OPRM1: variants seen among roughly 807,000 people sequenced by gnomAD.
The protein encoded by OPRM1 is mu-type opioid receptor.
A neutral mutation model predicts 31.8 loss-of-function variants in OPRM1; 27 were observed. The ratio of observed to expected loss-of-function variants is 0.85; its 90% CI spans 0.63 to 1.17. The LOEUF (loss-of-function observed/expected upper bound fraction) is 1.17, where lower values mean the gene tolerates loss of function less well. OPRM1 is among the 50% of genes most tolerant of loss of function. The pLI is 0.00. For missense variants in OPRM1, 536 were observed against 511.1 expected, an observed-to-expected ratio of 1.05 and a Z score of -0.47; for synonymous variants, 196 against 189.9, an observed-to-expected ratio of 1.03 and a Z score of -0.26.
chr6:154,152,360 G>GAAAGAA (rs1798551959), intron 3 of OPRM1, among the ~76,000 whole-genome samples: 1 of 145,632 alleles, frequency 6.9e-6, no homozygotes, highest in East Asian at 2.0e-4. Context: ...AAGAAAGAAA[G>GAAAGAA]AAAGAAAGAA....
At chr6:154,089,658 T>C in intron 1 of OPRM1, 168 bp from the exon 2 acceptor site, 1 of 592,714 alleles carries the variant, frequency 1.7e-6, no homozygotes, top group Non-Finnish European at 3.0e-6. Context: ...AGCCAATAGG[T>C]ACATCATTGA....
intron 1 of OPRM1, among the ~76,000 whole-genome samples, chr6:154,071,275 C>G (rs1786656495): frequency 6.6e-6 from 1 of 152,140 alleles, no homozygotes; most frequent in Non-Finnish European, 1.5e-5. Flanking sequence ...CTTTCATACC[C>G]CCAGGTCTGC....
intron 1 of OPRM1, among the ~76,000 whole-genome samples, chr6:154,073,195 T>C (rs1424852522): frequency 6.6e-6 from 1 of 152,148 alleles, no homozygotes; most frequent in Non-Finnish European, 1.5e-5. Flanking sequence ...CAATATAAGC[T>C]GCAGGTAGTG....
At chr6:154,146,558 ATGT>A (rs1798363317) in intron 3 of OPRM1, among the ~76,000 whole-genome samples, 2 of 152,222 alleles carry the variant, frequency 1.3e-5, no homozygotes, top group East Asian at 3.8e-4. Flanking sequence ...TATTGAAAAT[ATGT>A]TGTGTGATTG....
chr6:154,029,575 T>C (rs1053432696), intron 1 of OPRM1, among the ~76,000 whole-genome samples: 2 of 152,234 alleles, frequency 1.3e-5, no homozygotes, highest in Non-Finnish European at 2.9e-5. Context: ...CTTGCAGCTA[T>C]ATTAAAGGAT....
chr6:154,052,720 A>T (rs1782452443), intron 1 of OPRM1, among the ~76,000 whole-genome samples: 1 of 152,230 alleles, frequency 6.6e-6, no homozygotes, highest in Admixed American at 6.5e-5. Context: ...GGAACACATC[A>T]TCTTCTTTAG....
At chr6:154,209,119 C>A (rs1187015719) in intron 3 of OPRM1, among the ~76,000 whole-genome samples, 1 of 152,032 alleles carries the variant, frequency 6.6e-6, no homozygotes, top group Non-Finnish European at 1.5e-5. Context: ...GACTCTATAG[C>A]AATTAGAATG....
At chr6:154,162,426 C>CCAT (rs1339368319) in intron 3 of OPRM1, among the ~76,000 whole-genome samples, 1 of 152,216 alleles carries the variant, frequency 6.6e-6, no homozygotes, top group East Asian at 1.9e-4. Context: ...CTTGTGAAGA[C>CCAT]CATCAGTGAC....
At chr6:154,086,881 T>C in intron 1 of OPRM1, 3 of 984,006 alleles carry the variant, frequency 3.0e-6, no homozygotes, top group Non-Finnish European at 3.6e-6. Flanking sequence ...AACTTCTTCT[T>C]ATTAAAAAAA....
intron 3 of OPRM1, among the ~76,000 whole-genome samples, chr6:154,184,998 T>G (rs921941030): frequency 1.7e-4 from 26 of 152,220 alleles, no homozygotes; most frequent in Non-Finnish European, 8.8e-5. Flanking sequence ...TGTCTGCATA[T>G]AGCCCTTTTT....
Position 154,132,215 on chromosome 6 carries a change from A to G in OPRM1, c.*13494A>G, listed in dbSNP as rs1797936653. Among the ~76,000 whole-genome samples the G allele has an allele frequency of 6.6e-6, 1 of 152,208 alleles. No individual in the cohort carries two copies. The highest frequency in any genetic ancestry group is 1.5e-5 in the Non-Finnish European group (1 of 68,024). On this transcript the variant is annotated 3_prime_UTR_variant, in exon 4 of 4. Coordinates refer to ENST00000330432, the MANE Select transcript of OPRM1 (RefSeq NM_000914.5). Reference sequence around the variant, plus strand: ...CTATTTGACTGTTTCAGATAGTTGTATATAAAAAATATAAATTTTTGCATT... The same window carrying G: ...CTATTTGACTGTTTCAGATAGTTGTGTATAAAAAATATAAATTTTTGCATT...
intron 1 of OPRM1, among the ~76,000 whole-genome samples, chr6:154,070,939 T>C (rs746893707): frequency 1.2e-4 from 19 of 152,234 alleles, no homozygotes; most frequent in Non-Finnish European, 1.6e-4. Flanking sequence ...GGCAGGTTTT[T>C]GTTTCTTAAT....
In OPRM1 at chr6:154,011,019, G is replaced by A. The variant is rs1213472229; in HGVS notation, c.-1+1G>A. The stretch of plus-strand genomic sequence containing the variant: ...CAATGCTGAAATAGCATGGTCCAGG[G>A]TAGGGTACAGCTCATTTATTTTGTT... On this transcript the variant is annotated splice_donor_variant, in intron 1 of 5. Coordinates refer to the OPRM1 transcript ENST00000434900. LOFTEE classifies it low-confidence loss of function (5UTR_SPLICE). 6.2e-6 allele frequency: 8 copies of A among 1,290,320 alleles called. No homozygotes were observed. The highest frequency in any genetic ancestry group is 1.5e-5 in the African/African-American group (1 of 65,978). The allele number at this position is 1,290,320 out of a possible 1,614,324, so 79.9% of individuals were successfully genotyped here.
rs1218363814 is a variant in OPRM1, at chr6:154,131,298, C to T, written c.*12577C>T. On this transcript the variant is annotated 3_prime_UTR_variant, in exon 4 of 4. Transcript: ENST00000330432. Reference sequence around the variant, plus strand: ...AGAGCCTCTCATGGTTGATTAAGTTCAGACATTTTAAACAGACTCCTGCCC... The same window carrying T: ...AGAGCCTCTCATGGTTGATTAAGTTTAGACATTTTAAACAGACTCCTGCCC... 6.6e-6 allele frequency among the ~76,000 whole-genome samples: 1 copy of T among 152,158 alleles called. No homozygotes were observed. Among genetic ancestry groups the T allele is most frequent in the Non-Finnish European group, 1.5e-5 (1 of 68,032 alleles).
intron 3 of OPRM1, among the ~76,000 whole-genome samples, chr6:154,240,216 C>T (rs1252523677): frequency 6.6e-6 from 1 of 152,090 alleles, no homozygotes; most frequent in East Asian, 1.9e-4. Flanking sequence ...AATAATTAAG[C>T]AATTCCTTCA....
At chr6:154,042,159 C>T (rs1015346648) in intron 1 of OPRM1, among the ~76,000 whole-genome samples, 5 of 152,164 alleles carry the variant, frequency 3.3e-5, no homozygotes, top group African/African-American at 9.6e-5. Flanking sequence ...GGGTTTTAAT[C>T]GCAGGGTTAG....
intron 3 of OPRM1, among the ~76,000 whole-genome samples, chr6:154,144,550 C>T (rs1798309587): frequency 1.3e-5 from 2 of 151,824 alleles, no homozygotes; most frequent in Admixed American, 6.6e-5. Flanking sequence ...AGTTCGAGAC[C>T]AGCCTGGCCA....
chr6:154,014,368 T>A (rs1458609546), intron 1 of OPRM1, among the ~76,000 whole-genome samples: 1 of 152,078 alleles, frequency 6.6e-6, no homozygotes, highest in Non-Finnish European at 1.5e-5. Context: ...AAACATAACC[T>A]TATATTTAAG....
chr6:154,129,807 C>T lies in OPRM1; in HGVS notation c.*11086C>T, dbSNP rs74691136. On this transcript the variant is annotated 3_prime_UTR_variant, in exon 4 of 4. Transcript: ENST00000330432. Reference sequence around the variant, plus strand: ...TGAAGTTTCTCTTATCAGTCAGGCACTTTGCATTTTAAGCGTACTTTACCA... The same window carrying T: ...TGAAGTTTCTCTTATCAGTCAGGCATTTTGCATTTTAAGCGTACTTTACCA... 0.011 allele frequency among the ~76,000 whole-genome samples: 1,720 copies of T among 151,120 alleles called. 37 individuals are homozygous for T. Among genetic ancestry groups the T allele is most frequent in the African/African-American group, 0.04 (1,633 of 40,982 alleles).
Sources: gnomAD v4.1 joint callset for allele counts (sites outside exome capture counted in the v4.1 genomes callset) on GRCh38, gnomAD v4.1.1 for gene constraint, MANE v1.5 for transcripts, NCBI Gene and HGNC (gene_info 2026-07-23, HGNC 2026-07-21) for gene names.